Variants in ADGRB3 observed in about 807,000 individuals in gnomAD.
ADGRB3 encodes the protein adhesion G protein-coupled receptor B3.
A neutral mutation model predicts 193.4 loss-of-function variants in ADGRB3; 37 were observed. The observed-to-expected ratio is 0.19, with a 90% CI of 0.15 to 0.25. The LOEUF is 0.25. Among genes scored for constraint, ADGRB3 ranks in the 10% least tolerant of loss-of-function variants. ADGRB3 has a pLI of 1.00. For synonymous variants in ADGRB3, 690 were observed against 644.2 expected (o/e 1.07, Z -1.08); for missense variants, 1,637 against 1,852.9 (o/e 0.88, Z 2.14).
intron 17 of ADGRB3, among the ~76,000 whole-genome samples, chr6:69,190,478 G>C (rs1202842536): frequency 2.0e-5 from 3 of 151,966 alleles, no homozygotes. Flanking sequence ...TGTGTTTTAA[G>C]TTATGTCTCA....
rs575629043 is a variant in ADGRB3 at position 69,045,818 on chromosome 6, T to C, written c.2108-2367T>C. Among the ~76,000 whole-genome samples, 3 of 152,276 alleles carry C rather than the reference T, an allele frequency of 2.0e-5. No individual in the cohort carries two copies. The South Asian group carries it at 6.2e-4, about 32-fold the overall frequency. On this transcript the variant is annotated intron_variant, in intron 13 of 31. Transcript: ENST00000370598. Reference sequence around the variant, plus strand: ...AAATACGTGTTTATTTTTGTGCACTTCTCACACTGAAAACTATGCAATTTA... The same window carrying C: ...AAATACGTGTTTATTTTTGTGCACTCCTCACACTGAAAACTATGCAATTTA...
chr6:69,058,084 G>A (rs1771599127), intron 15 of ADGRB3, among the ~76,000 whole-genome samples: 2 of 151,714 alleles, frequency 1.3e-5, no homozygotes, highest in South Asian at 4.2e-4. Flanking sequence ...TTTGTTGAGA[G>A]GTTTTTGATT....
At chr6:68,709,470 C>A (rs142308995) in intron 3 of ADGRB3, among the ~76,000 whole-genome samples, 1,581 of 152,240 alleles carry the variant, frequency 0.01, 26 homozygotes, top group African/African-American at 0.036. Flanking sequence ...CAATAGGTAA[C>A]TTGAATACTA....
At chr6:69,308,374 T>C (rs1768108488) in intron 20 of ADGRB3, among the ~76,000 whole-genome samples, 1 of 151,440 alleles carries the variant, frequency 6.6e-6, no homozygotes, top group Non-Finnish European at 1.5e-5. Context: ...TATTGCTAAG[T>C]TAAGGGAGAT....
intron 11 of ADGRB3, among the ~76,000 whole-genome samples, chr6:69,001,725 A>G (rs1217254036): frequency 6.6e-6 from 1 of 152,224 alleles, no homozygotes; most frequent in Non-Finnish European, 1.5e-5. Flanking sequence ...CTCACAGTGT[A>G]CTGTGTTCCT....
chr6:69,121,467 T>C (rs1438195954), intron 17 of ADGRB3, among the ~76,000 whole-genome samples: 2 of 152,010 alleles, frequency 1.3e-5, no homozygotes, highest in African/African-American at 4.8e-5. Context: ...CCCCCTTTTC[T>C]TTTCGACAAA....
intron 17 of ADGRB3, among the ~76,000 whole-genome samples, chr6:69,162,090 G>A (rs1775008650): frequency 6.6e-6 from 1 of 152,066 alleles, no homozygotes. Context: ...TGATGGCCAA[G>A]GTGATGGTTG....
intron 18 of ADGRB3, among the ~76,000 whole-genome samples, chr6:69,234,295 T>G (rs1031478745): frequency 1.3e-5 from 2 of 152,166 alleles, no homozygotes; most frequent in Non-Finnish European, 2.9e-5. Flanking sequence ...AAAGAAACCT[T>G]CCAGATCAGT....
intron 3 of ADGRB3, among the ~76,000 whole-genome samples, chr6:68,881,898 TA>T (rs986871030): frequency 4.2e-4 from 64 of 152,326 alleles, no homozygotes; most frequent in African/African-American, 1.3e-3. Flanking sequence ...AGTATTACCA[TA>T]ATTATAGTTT....
chr6:68,862,667 CACTTTT>C (rs1289668871), intron 3 of ADGRB3, among the ~76,000 whole-genome samples: 4 of 152,100 alleles, frequency 2.6e-5, no homozygotes, highest in Non-Finnish European at 5.9e-5. Flanking sequence ...TTATTTTCTT[CACTTTT>C]ACTTTTAGTT....
intron 3 of ADGRB3, among the ~76,000 whole-genome samples, chr6:68,840,804 T>C (rs1468970570): frequency 3.9e-5 from 6 of 151,980 alleles, no homozygotes; most frequent in Non-Finnish European, 8.8e-5. Context: ...TCGAAAGACA[T>C]AGAGTAGACA....
intron 3 of ADGRB3, among the ~76,000 whole-genome samples, chr6:68,845,349 G>A (rs1199038149): frequency 6.6e-6 from 1 of 152,114 alleles, no homozygotes; most frequent in African/African-American, 2.4e-5. Context: ...GGAACACCAA[G>A]CACAGTGACA....
chr6:69,274,069 CTATT>C (rs1483604682), intron 20 of ADGRB3, among the ~76,000 whole-genome samples: 2 of 152,092 alleles, frequency 1.3e-5, no homozygotes, highest in East Asian at 1.9e-4. Flanking sequence ...CAACAAATCT[CTATT>C]TAAACCTAAA....
intron 20 of ADGRB3, among the ~76,000 whole-genome samples, chr6:69,307,069 A>G (rs1768081820): frequency 6.6e-6 from 1 of 151,232 alleles, no homozygotes; most frequent in Non-Finnish European, 1.5e-5. Context: ...TTATAAAAAT[A>G]GCTTTTTTTT....
chr6:69,060,895 A>T (rs1221903989), intron 15 of ADGRB3, among the ~76,000 whole-genome samples: 1 of 151,938 alleles, frequency 6.6e-6, no homozygotes, highest in Admixed American at 6.6e-5. Context: ...ATGATCAACC[A>T]CCCAGGATCA....
At chr6:68,984,956 A>G (rs1329256225) in intron 10 of ADGRB3, among the ~76,000 whole-genome samples, 1 of 152,034 alleles carries the variant, frequency 6.6e-6, no homozygotes, top group Non-Finnish European at 1.5e-5. Context: ...GTGAGGATTT[A>G]GGAGGAAATG....
intron 3 of ADGRB3, among the ~76,000 whole-genome samples, chr6:68,815,138 G>T (rs1160763818): frequency 6.6e-6 from 1 of 152,022 alleles, no homozygotes; most frequent in Non-Finnish European, 1.5e-5. Flanking sequence ...TTCTGGCCAG[G>T]GCAATCAGGC....
chr6:69,298,403 C>T (rs1470541359), intron 20 of ADGRB3, among the ~76,000 whole-genome samples: 1 of 151,816 alleles, frequency 6.6e-6, no homozygotes, highest in Non-Finnish European at 1.5e-5. Context: ...CATGTGAATT[C>T]TACTCTTCTG....
intron 17 of ADGRB3, among the ~76,000 whole-genome samples, chr6:69,081,765 A>G (rs1772393298): frequency 6.6e-6 from 1 of 152,064 alleles, no homozygotes; most frequent in African/African-American, 2.4e-5. Flanking sequence ...TTAAAGGTGT[A>G]TTATTAAATT....
Sources: gnomAD v4.1 joint callset for allele counts (sites outside exome capture counted in the v4.1 genomes callset) on GRCh38, gnomAD v4.1.1 for gene constraint, MANE v1.5 for transcripts, NCBI Gene and HGNC (gene_info 2026-07-23, HGNC 2026-07-21) for gene names.